PPP1R7: variants seen among roughly 807,000 people sequenced by gnomAD.
The protein encoded by PPP1R7 is protein phosphatase 1 regulatory subunit 7.
In PPP1R7, 18 loss-of-function variants were observed where a neutral mutation model predicts 45.2. The ratio of observed to expected loss-of-function variants is 0.40; its 90% CI spans 0.28 to 0.59. The LOEUF (loss-of-function observed/expected upper bound fraction) is 0.59, where lower values mean the gene tolerates loss of function less well. PPP1R7 is among the 20% of genes least tolerant of loss of function. The pLI, the probability that PPP1R7 is intolerant of heterozygous loss-of-function variation, is 0.46. For missense variants in PPP1R7, 314 were observed against 455.8 expected, an observed-to-expected ratio of 0.69 and a Z score of 2.83; for synonymous variants, 181 against 183.4, an observed-to-expected ratio of 0.99 and a Z score of 0.11.
chr2:241,168,431 T>G (rs1482147191), intron 8 of PPP1R7, among the ~76,000 whole-genome samples: 3 of 151,774 alleles, frequency 2.0e-5, no homozygotes, highest in African/African-American at 7.3e-5. Flanking sequence ...TGGTGCAGAG[T>G]GCGGGGGAGA....
chr2:241,151,182 G>C (rs765678880), intron 1 of PPP1R7, among the ~76,000 whole-genome samples: 12 of 152,168 alleles, frequency 7.9e-5, no homozygotes, highest in Non-Finnish European at 1.6e-4. Context: ...CTGCATATCT[G>C]TAGGTACAGT....
At chr2:241,150,286 C>T (rs1341992110), upstream of PPP1R7, 4 of 1,317,260 alleles carry the variant, frequency 3.0e-6, no homozygotes, top group African/African-American at 4.6e-5. Flanking sequence ...GTTCCGGCTC[C>T]GCCGCCTGAA....
chr2:241,170,791 G>A (rs1304451983), intron 9 of PPP1R7, among the ~76,000 whole-genome samples: 1 of 152,144 alleles, frequency 6.6e-6, no homozygotes, highest in Non-Finnish European at 1.5e-5. Flanking sequence ...TAGTGGCACT[G>A]GGTCTTGAGT....
chr2:241,175,296 C>T (rs2067891543), intron 9 of PPP1R7, among the ~76,000 whole-genome samples: 1 of 152,220 alleles, frequency 6.6e-6, no homozygotes, highest in Admixed American at 6.5e-5. Context: ...CTCTTTTCAA[C>T]TTATAAAACT....
intron 9 of PPP1R7, among the ~76,000 whole-genome samples, chr2:241,178,970 T>C (rs1008603529): frequency 6.6e-6 from 1 of 152,034 alleles, no homozygotes; most frequent in Non-Finnish European, 1.5e-5. Context: ...AAAACATTAC[T>C]GAGTTTGGGG....
intron 6 of PPP1R7, among the ~76,000 whole-genome samples, chr2:241,162,697 T>C (rs1409425783): frequency 1.3e-5 from 2 of 151,422 alleles, no homozygotes; most frequent in African/African-American, 4.9e-5. Flanking sequence ...TTTTTTTTTT[T>C]TTTGAGACGG....
intron 8 of PPP1R7, among the ~76,000 whole-genome samples, 188 bp downstream of exon 8, chr2:241,166,629 G>A (rs967552449): frequency 1.3e-5 from 2 of 152,204 alleles, no homozygotes; most frequent in African/African-American, 4.8e-5. Flanking sequence ...AAAAGTGCAG[G>A]AGCTGTGTGT....
At chr2:241,156,187 C>T (rs1234469031) in intron 2 of PPP1R7, among the ~76,000 whole-genome samples, 1 of 152,190 alleles carries the variant, frequency 6.6e-6, no homozygotes, top group East Asian at 1.9e-4. Context: ...GAAGCAAGTG[C>T]ACGTTTGCTC....
At chr2:241,172,521 G>A (rs2067833961) in intron 9 of PPP1R7, among the ~76,000 whole-genome samples, 1 of 151,968 alleles carries the variant, frequency 6.6e-6, no homozygotes, top group African/African-American at 2.4e-5. Flanking sequence ...GGCACATGCT[G>A]TAGTCCAAGC....
At chr2:241,150,761 AGAGCTAGGGGGAGAGCGGCGGCGC>A (rs1335015518) in intron 1 of PPP1R7, among the ~76,000 whole-genome samples, 1 of 152,090 alleles carries the variant, frequency 6.6e-6, no homozygotes, top group African/African-American at 2.4e-5. Flanking sequence ...GGAAGGACCC[AGAGCTAGGGGGAGAGCGGCGGCGC>A]GAGGCCAGGC....
At chr2:241,177,233 A>G (rs1471103192) in intron 9 of PPP1R7, among the ~76,000 whole-genome samples, 1 of 152,188 alleles carries the variant, frequency 6.6e-6, no homozygotes, top group African/African-American at 2.4e-5. Context: ...CCTAGCCAAC[A>G]TGGTGAAACC....
At chr2:241,175,367 A>C (rs935083329) in intron 9 of PPP1R7, among the ~76,000 whole-genome samples, 1 of 152,060 alleles carries the variant, frequency 6.6e-6, no homozygotes, top group African/African-American at 2.4e-5. Flanking sequence ...CTTGACAATG[A>C]CCCTTCTACT....
chr2:241,155,407 T>G (rs2067431838), intron 2 of PPP1R7: 1 of 152,242 alleles, frequency 6.6e-6, no homozygotes. Context: ...ATTAGCTGAT[T>G]ATGAATTTTC....
chr2:241,152,375 C>T (rs1186586537), intron 1 of PPP1R7, among the ~76,000 whole-genome samples: 2 of 152,196 alleles, frequency 1.3e-5, no homozygotes, highest in Non-Finnish European at 2.9e-5. Context: ...TTAGATCAGA[C>T]TCTCTGGCAG....
upstream of PPP1R7, chr2:241,150,418 G>A (rs1257508307): frequency 7.1e-6 from 10 of 1,411,328 alleles, no homozygotes; most frequent in African/African-American, 3.0e-5. Context: ...CCATTGGCAG[G>A]GCCGGCTCTG....
chr2:241,166,902 C>A, intron 8 of PPP1R7: 1 of 704,494 alleles, frequency 1.4e-6, no homozygotes, highest in Non-Finnish European at 2.4e-6. Context: ...CCACAGAGAG[C>A]ACAGGACCAG....
intron 7 of PPP1R7, among the ~76,000 whole-genome samples, chr2:241,165,663 G>C (rs1315806134): frequency 6.6e-6 from 1 of 151,682 alleles, no homozygotes; most frequent in Non-Finnish European, 1.5e-5. Context: ...GTGCAATCTC[G>C]GCTCACTGCA....
intron 8 of PPP1R7, among the ~76,000 whole-genome samples, chr2:241,168,475 C>G (rs2067759293): frequency 6.6e-6 from 1 of 152,202 alleles, no homozygotes; most frequent in South Asian, 2.1e-4. Flanking sequence ...CTGTTCCAGC[C>G]CCACCGCCAG....
chr2:241,166,267 G>T (rs567318742), intron 7 of PPP1R7, 70 bp from the exon 8 acceptor site: 2 of 1,293,226 alleles, frequency 1.5e-6, no homozygotes, highest in Non-Finnish European at 2.2e-6. Context: ...ACAAAACCTC[G>T]TTTCCTAAAA....
Sources: allele counts gnomAD v4.1 joint callset (sites outside exome capture counted in the v4.1 genomes callset), GRCh38; gene constraint gnomAD v4.1.1; transcripts MANE v1.5; gene names NCBI Gene and HGNC (gene_info 2026-07-23, HGNC 2026-07-21).